NLGN4Y: variants seen among roughly 807,000 people sequenced by gnomAD.
NLGN4Y encodes the protein neuroligin-4, Y-linked.
A neutral mutation model predicts 8.4 loss-of-function variants in NLGN4Y; 4 were observed. That is an observed-to-expected ratio of 0.48 (90% confidence interval 0.23 to 1.09). NLGN4Y has a LOEUF of 1.09. Among genes scored for constraint, NLGN4Y ranks in the 50% least tolerant of loss-of-function variants. The pLI, the probability that NLGN4Y is intolerant of heterozygous loss-of-function variation, is 0.19. For synonymous variants in NLGN4Y, 35 were observed against 75.6 expected (o/e 0.46, Z 2.78); for missense variants, 90 against 192.3 (o/e 0.47, Z 3.15).
chrY:14,702,461 C>T (rs2080855325), intron 2 of NLGN4Y, among the ~76,000 whole-genome samples: 1 of 32,198 alleles, frequency 3.1e-5, no homozygotes, highest in Non-Finnish European at 7.6e-5. Context: ...TGGTTTCCAG[C>T]TTCATCCATG....
At chrY:14,759,290 T>TG (rs2081072854) in intron 4 of NLGN4Y, among the ~76,000 whole-genome samples, 1 of 32,818 alleles carries the variant, frequency 3.0e-5, no homozygotes, top group African/African-American at 1.2e-4. Context: ...ATACTGTTTT[T>TG]TTTTGTTTTG....
intron 2 of NLGN4Y, among the ~76,000 whole-genome samples, chrY:14,637,610 T>A (rs2080569317): frequency 3.0e-5 from 1 of 33,466 alleles, no homozygotes; most frequent in East Asian, 7.8e-4. Flanking sequence ...CCATTTCCTA[T>A]GACAAACTCT....
At chrY:14,571,115 T>C in intron 1 of NLGN4Y, among the ~76,000 whole-genome samples, 1 of 33,094 alleles carries the variant, frequency 3.0e-5, no homozygotes, top group Non-Finnish European at 7.4e-5. Flanking sequence ...TTATACCCAG[T>C]AATGGGATGG....
In NLGN4Y at chrY:14,816,359, C is replaced by G; in HGVS notation, c.686-7829C>G. ...TCAGAGTCTGCCTGACAGTTTCTAC[C>G]TTTTCTCCTTCATCTTTTTAATGGC... On this transcript the variant is annotated intron_variant, in intron 4 of 6. Coordinates refer to ENST00000684976, the MANE Select transcript of NLGN4Y (RefSeq NM_001365588.1). 2.1e-4 allele frequency among the ~76,000 whole-genome samples: 7 copies of G among 33,633 alleles called. No homozygotes were observed. In the East Asian group the frequency reaches 5.6e-3, roughly 27 times the overall value. The allele number at this position is 33,633 out of a possible 37,273, so 90.2% of individuals were successfully genotyped here. A position where few individuals can be genotyped will look rare whatever the true frequency, so the allele number is the denominator to read the frequency against.
intron 2 of NLGN4Y, among the ~76,000 whole-genome samples, chrY:14,624,979 T>C: frequency 3.0e-5 from 1 of 33,815 alleles, no homozygotes; most frequent in Non-Finnish European, 7.3e-5. Context: ...TTTTTTTGTT[T>C]AGCTTTGTCT....
chrY:14,653,405 G>A, intron 2 of NLGN4Y, among the ~76,000 whole-genome samples: 1 of 30,754 alleles, frequency 3.3e-5, no homozygotes, highest in Non-Finnish European at 7.8e-5. Context: ...GGCAGGTGGG[G>A]GACTCTGTCT....
chrY:14,744,347 C>A, intron 4 of NLGN4Y, among the ~76,000 whole-genome samples: 1 of 33,520 alleles, frequency 3.0e-5, no homozygotes, highest in South Asian at 6.7e-4. Flanking sequence ...TCATTCTAAA[C>A]CCTCCATGAC....
At chrY:14,576,975 CCTT>C (rs2080301472) in intron 1 of NLGN4Y, among the ~76,000 whole-genome samples, 1 of 33,688 alleles carries the variant, frequency 3.0e-5, no homozygotes, top group Admixed American at 2.7e-4. Flanking sequence ...TCACCGTACT[CCTT>C]CAAGTCCATC....
intron 4 of NLGN4Y, among the ~76,000 whole-genome samples, chrY:14,790,031 AT>A (rs772604923): frequency 6.3e-5 from 2 of 31,741 alleles, no homozygotes; most frequent in African/African-American, 1.2e-4. Flanking sequence ...TTTCTTCCTG[AT>A]TTTTTTTTTC....
At chrY:14,545,996 G>T in intron 1 of NLGN4Y, among the ~76,000 whole-genome samples, 1 of 31,621 alleles carries the variant, frequency 3.2e-5, no homozygotes, top group African/African-American at 1.2e-4. Context: ...TCTACATATG[G>T]CTAGCCAGTT....
chrY:14,544,790 T>A (rs1603499167), intron 1 of NLGN4Y, among the ~76,000 whole-genome samples: 1 of 32,417 alleles, frequency 3.1e-5, no homozygotes, highest in Non-Finnish European at 7.5e-5. Flanking sequence ...TTTTTTTTTT[T>A]TTATTATACT....
intron 4 of NLGN4Y, among the ~76,000 whole-genome samples, chrY:14,748,340 T>C: frequency 3.0e-5 from 1 of 33,499 alleles, no homozygotes; most frequent in Admixed American, 2.7e-4. Flanking sequence ...GGAAGAAGTC[T>C]GTCTTCAGAT....
intron 2 of NLGN4Y, among the ~76,000 whole-genome samples, chrY:14,717,376 A>T: frequency 3.1e-5 from 1 of 32,142 alleles, no homozygotes; most frequent in African/African-American, 1.2e-4. Flanking sequence ...ACTGGGCGAC[A>T]GAGCGAGACT....
chrY:14,559,255 T>C (rs2080218999), intron 1 of NLGN4Y, among the ~76,000 whole-genome samples: 2 of 33,123 alleles, frequency 6.0e-5, no homozygotes, highest in East Asian at 1.6e-3. Flanking sequence ...ACTTTATCCC[T>C]CCTTGGATTA....
Position 14,845,633 on chromosome Y carries a change from A to C in NLGN4Y, c.*4371A>C. On this transcript the variant is annotated 3_prime_UTR_variant, in exon 7 of 7. Transcript: ENST00000684976. Reference sequence around the variant, plus strand: ...AGCTTCATAATAAGTGTGTATATTTAATAAAATATATAGTATATAAAGGGT... The same window carrying C: ...AGCTTCATAATAAGTGTGTATATTTCATAAAATATATAGTATATAAAGGGT... 1 of 32,694 alleles carries C rather than the reference A, an allele frequency of 3.1e-5. No individual in the cohort carries two copies. The allele number at this position is 32,694 out of a possible 400,897, so 8.2% of individuals were successfully genotyped here. A position where few individuals can be genotyped will look rare whatever the true frequency, so the allele number is the denominator to read the frequency against.
intron 4 of NLGN4Y, among the ~76,000 whole-genome samples, chrY:14,786,644 A>G (rs868014570): frequency 3.1e-5 from 1 of 32,258 alleles, no homozygotes; most frequent in Admixed American, 2.9e-4. Flanking sequence ...TATCCTTACA[A>G]TCTTCTATAT....
intron 1 of NLGN4Y, among the ~76,000 whole-genome samples, chrY:14,604,433 G>A (rs2080440189): frequency 3.0e-5 from 1 of 33,681 alleles, no homozygotes; most frequent in Non-Finnish European, 7.4e-5. Context: ...GGATCTTGCT[G>A]TCCGCATAGT....
At position 14,797,505 on chromosome Y, in the gene NLGN4Y, C is replaced by A. The variant is rs1569375833; in HGVS notation, c.686-26683C>A. Among the ~76,000 whole-genome samples the A allele has an allele frequency of 1.5e-4, 5 of 32,583 alleles. No homozygotes were observed. The East Asian group carries it at 3.2e-3, about 21-fold the overall frequency. The allele number at this position is 32,583 out of a possible 37,273, so 87.4% of individuals were successfully genotyped here. A position where few individuals can be genotyped will look rare whatever the true frequency, so the allele number is the denominator to read the frequency against. On this transcript the variant is annotated intron_variant, in intron 4 of 6. Coordinates refer to ENST00000684976, the MANE Select transcript of NLGN4Y (RefSeq NM_001365588.1). ...TAGAGACGGAGTTTCACCATGTTAGCCAGGATGGTCTCGATCTCCTGACCT... is the reference window on the plus strand; with the variant it reads ...TAGAGACGGAGTTTCACCATGTTAGACAGGATGGTCTCGATCTCCTGACCT...
intron 1 of NLGN4Y, among the ~76,000 whole-genome samples, chrY:14,530,359 G>T (rs2080106806): frequency 3.1e-5 from 1 of 31,862 alleles, no homozygotes; most frequent in Admixed American, 2.9e-4. Context: ...TACAATGAAA[G>T]GTGTAAAGTT....
Sources: allele counts gnomAD v4.1 joint callset (sites outside exome capture counted in the v4.1 genomes callset), GRCh38; gene constraint gnomAD v4.1.1; transcripts MANE v1.5; gene names NCBI Gene and HGNC (gene_info 2026-07-23, HGNC 2026-07-21).